Variants in PIK3R3 observed in about 807,000 individuals in gnomAD.
PIK3R3 encodes the protein phosphoinositide-3-kinase regulatory subunit 3, also known as phosphatidylinositol 3-kinase regulatory subunit gamma.
PIK3R3 carries 64 observed loss-of-function variants against 62.9 expected under a neutral mutation model. The observed-to-expected ratio is 1.02, with a 90% CI of 0.83 to 1.25. The LOEUF is 1.25. Ranked by LOEUF, PIK3R3 falls within the 50% of genes most tolerant of loss-of-function variation. The pLI, the probability that PIK3R3 is intolerant of heterozygous loss-of-function variation, is 0.00. For synonymous variants in PIK3R3, 165 were observed against 189.0 expected (o/e 0.87, Z 1.04); for missense variants, 614 against 561.6 (o/e 1.09, Z -0.94).
intron 1 of PIK3R3, among the ~76,000 whole-genome samples, chr1:46,120,054 T>G (rs1654527410): frequency 1.3e-5 from 2 of 152,216 alleles, no homozygotes; most frequent in Admixed American, 1.3e-4. Flanking sequence ...GTCCCAAGTT[T>G]ACTTAATTTA....
intron 1 of PIK3R3, among the ~76,000 whole-genome samples, chr1:46,114,004 TG>T (rs1463343000): frequency 6.6e-6 from 1 of 152,210 alleles, no homozygotes; most frequent in Non-Finnish European, 1.5e-5. Context: ...TTTACAGATA[TG>T]TCTTTCATAA....
At chr1:46,074,158 C>T (rs1649818936) in intron 3 of PIK3R3, among the ~76,000 whole-genome samples, 1 of 150,390 alleles carries the variant, frequency 6.6e-6, no homozygotes, top group South Asian at 2.1e-4. Context: ...GGCGTGGTGG[C>T]GGGCGCCTGT....
intron 1 of PIK3R3, chr1:46,131,575 G>A (rs891631809): frequency 2.1e-5 from 10 of 482,632 alleles, no homozygotes; most frequent in African/African-American, 1.6e-4. Context: ...CAAAGGCAAA[G>A]TAAAAAATAA....
At chr1:46,133,514 C>G (rs1207145283), upstream of PIK3R3, among the ~76,000 whole-genome samples, 6 of 152,176 alleles carry the variant, frequency 3.9e-5, no homozygotes, top group South Asian at 1.2e-3. Context: ...ACCTCTTCAC[C>G]TTGCTGGGAC....
the PIK3R3 span, among the ~76,000 whole-genome samples, chr1:46,159,088 A>AAAATAAAT: frequency 0.023 from 3,347 of 148,454 alleles, 81 homozygotes; most frequent in South Asian, 0.058. Context: ...CTCCATCTCA[A>AAAATAAAT]AAATAAATAA....
chr1:46,048,766 C>G (rs970652874), intron 7 of PIK3R3, among the ~76,000 whole-genome samples: 12 of 152,142 alleles, frequency 7.9e-5, no homozygotes, highest in African/African-American at 2.9e-4. Context: ...GCTCCACCCT[C>G]CATTTATGAT....
chr1:46,072,745 C>G (rs1045798875), intron 3 of PIK3R3, among the ~76,000 whole-genome samples: 1 of 151,970 alleles, frequency 6.6e-6, no homozygotes, highest in African/African-American at 2.4e-5. Context: ...AGACCCTTAG[C>G]GTGAGACCAG....
chr1:46,107,481 G>A (rs1172637438), intron 1 of PIK3R3, among the ~76,000 whole-genome samples: 2 of 150,682 alleles, frequency 1.3e-5, no homozygotes, highest in Non-Finnish European at 3.0e-5. Context: ...AAAGAGACCA[G>A]GAAGCGGAGG....
At chr1:46,121,670 A>G (rs1386741959) in intron 1 of PIK3R3, among the ~76,000 whole-genome samples, 2 of 152,096 alleles carry the variant, frequency 1.3e-5, no homozygotes, top group East Asian at 3.9e-4. Context: ...ATAGTTAATA[A>G]ATAAAAATTA....
At chr1:46,049,683 A>T (rs1647208542) in intron 7 of PIK3R3, among the ~76,000 whole-genome samples, 1 of 152,210 alleles carries the variant, frequency 6.6e-6, no homozygotes, top group Non-Finnish European at 1.5e-5. Flanking sequence ...GTGCTCCTCT[A>T]ATTTTCTGGC....
intron 3 of PIK3R3, among the ~76,000 whole-genome samples, chr1:46,070,448 T>C (rs1006133088): frequency 1.3e-5 from 2 of 152,182 alleles, no homozygotes; most frequent in African/African-American, 4.8e-5. Context: ...GCAAGTTCTA[T>C]AGTTAAAAGT....
At chr1:46,130,455 T>A in intron 1 of PIK3R3, among the ~76,000 whole-genome samples, 1 of 150,916 alleles carries the variant, frequency 6.6e-6, no homozygotes, top group South Asian at 2.1e-4. Context: ...TAAAAGCAAA[T>A]AAAGCTCTGA....
At chr1:46,174,082 T>C in the PIK3R3 span, among the ~76,000 whole-genome samples, 1 of 152,184 alleles carries the variant, frequency 6.6e-6, no homozygotes, top group Non-Finnish European at 1.5e-5. Context: ...GAGGCATGCG[T>C]ATGTGTTGTT....
At chr1:46,104,905 G>A in intron 1 of PIK3R3, 1 of 506,938 alleles carries the variant, frequency 2.0e-6, no homozygotes. Context: ...TCCAGCCTGG[G>A]TGACAGAGTA....
Position 46,132,532 on chromosome 1 carries a change from G to A in PIK3R3, c.-580C>T, listed in dbSNP as rs1487157458. The A allele has an allele frequency of 3.2e-6, 4 of 1,250,116 alleles. No individual in the cohort carries two copies. The highest frequency in any genetic ancestry group is 2.6e-5 in the Admixed American group (1 of 38,882). The allele number at this position is 1,250,116 out of a possible 1,614,324, so 77.4% of individuals were successfully genotyped here. On this transcript the variant is annotated 5_prime_UTR_variant, in exon 1 of 10. Coordinates refer to ENST00000262741, the MANE Select transcript of PIK3R3 (RefSeq NM_003629.4). Reference sequence around the variant, plus strand: ...GAAGCTGCCGCAGCCTCGGGAATGGGGCCGGCCGGAGAAGTCCAGTCAGCT... The same window carrying A: ...GAAGCTGCCGCAGCCTCGGGAATGGAGCCGGCCGGAGAAGTCCAGTCAGCT...
At chr1:46,105,213 C>T (rs879466210) in intron 1 of PIK3R3, 9 of 447,754 alleles carry the variant, frequency 2.0e-5, no homozygotes, top group Non-Finnish European at 3.3e-5. Context: ...GTTTAAAAAA[C>T]AGCTCATCAG....
At chr1:46,159,088 AAAATAAATAAAT>A in the PIK3R3 span, among the ~76,000 whole-genome samples, 22,028 of 148,422 alleles carry the variant, frequency 0.15, 2,024 homozygotes, top group Non-Finnish European at 0.21. Context: ...CTCCATCTCA[AAAATAAATAAAT>A]AAATAAATAA....
At chr1:46,109,162 C>CAA (rs758453256) in intron 1 of PIK3R3, among the ~76,000 whole-genome samples, 2 of 70,132 alleles carry the variant, frequency 2.9e-5, no homozygotes, top group African/African-American at 8.9e-5. Flanking sequence ...GACTCTGTCT[C>CAA]AAAAAAAAAA....
chr1:46,117,032 A>G (rs1373272921), intron 1 of PIK3R3, among the ~76,000 whole-genome samples: 1 of 152,212 alleles, frequency 6.6e-6, no homozygotes, highest in Non-Finnish European at 1.5e-5. Flanking sequence ...CATAAAGTAA[A>G]ATGAAACATG....
Sources: allele counts gnomAD v4.1 joint callset (sites outside exome capture counted in the v4.1 genomes callset), GRCh38; gene constraint gnomAD v4.1.1; transcripts MANE v1.5; gene names NCBI Gene and HGNC (gene_info 2026-07-23, HGNC 2026-07-21).